FXYD1: variants seen among roughly 807,000 people sequenced by gnomAD.
FXYD1 encodes the protein phospholemman.
Under a neutral mutation model 17.2 loss-of-function variants are expected in FXYD1, and 9 were observed. That is an observed-to-expected ratio of 0.52 (90% CI 0.32 to 0.91). The LOEUF (loss-of-function observed/expected upper bound fraction) is 0.91, where lower values mean the gene tolerates loss of function less well. Ranked by LOEUF, FXYD1 falls within the 40% of genes least tolerant of loss-of-function variation. The probability of loss-of-function intolerance (pLI) is 0.04; values close to 1 mark genes in which losing one functional copy is unlikely to be tolerated. For missense variants in FXYD1, 113 were observed against 120.6 expected (o/e 0.94, Z 0.29); for synonymous variants, 55 against 45.8 (o/e 1.20, Z -0.81).
chr19:35,140,535 T>G, intron 2 of FXYD1, 62 bp from the exon 3 acceptor site: 3 of 1,483,566 alleles, frequency 2.0e-6, no homozygotes, highest in Non-Finnish European at 2.8e-6. Context: ...AGTGGTCTCC[T>G]CATGCCCCTC....
At chr19:35,139,877 C>T in intron 1 of FXYD1, 199 bp from the exon 2 acceptor site, 1 of 567,276 alleles carries the variant, frequency 1.8e-6, no homozygotes, top group South Asian at 2.0e-5. Flanking sequence ...TTGTGTGATC[C>T]CATCGTGGAG....
At chr19:35,141,749 C>T (rs962310248) in intron 5 of FXYD1, among the ~76,000 whole-genome samples, 177 bp downstream of exon 5, 2 of 152,204 alleles carry the variant, frequency 1.3e-5, no homozygotes, top group Non-Finnish European at 1.5e-5. Context: ...AAACCTCCCG[C>T]CCTTCCTGGC....
chr19:35,139,821 C>G (rs1335959539), intron 1 of FXYD1: 3 of 425,934 alleles, frequency 7.0e-6, no homozygotes, highest in Non-Finnish European at 1.3e-5. Flanking sequence ...AAGGGAGGCC[C>G]CCCGGGGACT....
chr19:35,141,398 T>A (rs2065253304), intron 4 of FXYD1, 138 bp from the exon 5 acceptor site: 1 of 683,874 alleles, frequency 1.5e-6, no homozygotes, highest in African/African-American at 1.9e-5. Flanking sequence ...CTGCCTTGGT[T>A]CCCCGGCCCC....
Position 35,142,965 on chromosome 19 carries a change from G to A in FXYD1, c.*78G>A, listed in dbSNP as rs914213135. 1 of 577,834 alleles carries A rather than the reference G, an allele frequency of 1.7e-6. No homozygotes were observed. The highest frequency in any genetic ancestry group is 3.1e-5 in the Admixed American group (1 of 32,052). The allele number at this position is 577,834 out of a possible 1,614,324, so 35.8% of individuals were successfully genotyped here. On this transcript the variant is annotated 3_prime_UTR_variant, in exon 8 of 8. Transcript: ENST00000351325. ...CCCACGCTCCACCTGCGCGCCCACC[G>A]CCCCCTCCGCCGCCCCTTCCCCAGC...
Position 35,141,199 on chromosome 19 carries a change from C to G in FXYD1, c.162C>G (p.Ile54Met), listed in dbSNP as rs143457232. Residue 54 changes from isoleucine to methionine, a missense_variant, in exon 4 of 8, where the codon ATC (isoleucine) becomes ATG (methionine). Transcript: ENST00000351325. ...AGILFILGILIVLSRRCRCKF... is the reference protein window; with the variant it reads ...AGILFILGILMVLSRRCRCKF... ...TCCTCTTCATCCTGGGCATCCTCAT[C>G]GTGCTGAGTGAGTGCCCCTAGCTCC... 1.2e-5 allele frequency: 19 copies of G among 1,598,828 alleles called. No homozygotes were observed. The highest frequency in any genetic ancestry group is 6.7e-5 in the East Asian group (3 of 44,768).
chr19:35,142,370 T>C, intron 5 of FXYD1, 102 bp from the exon 6 acceptor site: 1 of 869,236 alleles, frequency 1.2e-6, no homozygotes, highest in Non-Finnish European at 1.8e-6. Flanking sequence ...TATCTGGGCC[T>C]AGTTACACCA....
At chr19:35,141,654 G>T (rs1489161602) in intron 5 of FXYD1, 82 bp downstream of exon 5, 4 of 1,109,014 alleles carry the variant, frequency 3.6e-6, no homozygotes, top group Non-Finnish European at 5.4e-6. Context: ...CCCCTGACCC[G>T]CAGCCCGATC....
intron 3 of FXYD1, 27 bp from the exon 4 acceptor site, chr19:35,141,105 T>G (rs2065247807): frequency 5.3e-6 from 8 of 1,497,288 alleles, no homozygotes; most frequent in Admixed American, 5.0e-5. Context: ...TTCCCTGCCC[T>G]CACCTTCCCT....
chr19:35,140,199 C>A, intron 2 of FXYD1, 59 bp downstream of exon 2: 1 of 1,020,856 alleles, frequency 9.8e-7, no homozygotes, highest in South Asian at 1.3e-5. Flanking sequence ...CGGTGGGGAC[C>A]GAAGAACCAA....
chr19:35,141,369 A>G (rs1414232867), intron 4 of FXYD1, 163 bp downstream of exon 4: 5 of 246,102 alleles, frequency 2.0e-5, no homozygotes, highest in Non-Finnish European at 3.9e-5. Flanking sequence ...AACCCCTCCC[A>G]GGCCTTGCCC....
At chr19:35,140,475 C>T (rs2145381991) in intron 2 of FXYD1, 122 bp from the exon 3 acceptor site, 1 of 866,536 alleles carries the variant, frequency 1.2e-6, no homozygotes, top group South Asian at 1.5e-5. Flanking sequence ...AGAGTGTGGG[C>T]AGCCTGCCCA....
In FXYD1 at chr19:35,141,216, C is replaced by G. The variant is rs758430688; in HGVS notation, c.169+10C>G. 3 of 1,568,776 alleles carry G rather than the reference C, an allele frequency of 1.9e-6. No homozygotes were observed. The highest frequency in any genetic ancestry group is 2.6e-6 in the Non-Finnish European group (3 of 1,141,022). ...ATCCTCATCGTGCTGAGTGAGTGCC[C>G]CTAGCTCCCGCCCTCTACCCCGCCT... On this transcript the variant is annotated intron_variant, in intron 4 of 7. Coordinates refer to ENST00000351325, the MANE Select transcript of FXYD1 (RefSeq NM_021902.4).
At chr19:35,138,238 C>T (rs950711825), upstream of FXYD1, 1 of 152,290 alleles carries the variant, frequency 6.6e-6, no homozygotes, top group African/African-American at 2.4e-5. Context: ...TGTGTGTCTG[C>T]TTCTATGGAT....
rs753170408 is a variant in FXYD1 at position 35,142,707 on chromosome 19, G to T, written c.257-13G>T. On this transcript the variant is annotated splice_polypyrimidine_tract_variant and intron_variant, in intron 6 of 7. Coordinates refer to ENST00000351325, the MANE Select transcript of FXYD1 (RefSeq NM_021902.4). ...CTCTCCAGAATGACCCCCGATCTCCGTGTTCCCCCCAGGTCTGTCCACCCG... is the reference window on the plus strand; with the variant it reads ...CTCTCCAGAATGACCCCCGATCTCCTTGTTCCCCCCAGGTCTGTCCACCCG... The T allele has an allele frequency of 5.0e-6, 8 of 1,613,394 alleles. No homozygotes were observed. In the African/African-American group the frequency reaches 5.3e-5, roughly 11 times the overall value.
intron 2 of FXYD1, among the ~76,000 whole-genome samples, chr19:35,140,357 C>T (rs999336875): frequency 9.9e-5 from 15 of 152,040 alleles, no homozygotes; most frequent in African/African-American, 3.4e-4. Flanking sequence ...GCTGAATCCC[C>T]GATGGGATAA....
intron 7 of FXYD1, 73 bp downstream of exon 7, chr19:35,142,844 T>G: frequency 1.7e-6 from 2 of 1,173,226 alleles, no homozygotes; most frequent in Non-Finnish European, 2.5e-6. Context: ...GGGGGCCAAG[T>G]GCCAGAGTTG....
chr19:35,138,001 T>C (rs1223536913), upstream of FXYD1: 1 of 152,192 alleles, frequency 6.6e-6, no homozygotes, highest in African/African-American at 2.4e-5. Flanking sequence ...TGTATGGCCA[T>C]TTGTGGGTGG....
chr19:35,139,836 G>A (rs777331396), intron 1 of FXYD1: 1 of 472,200 alleles, frequency 2.1e-6, no homozygotes, highest in Non-Finnish European at 3.9e-6. Flanking sequence ...GGGACTGTGT[G>A]TCTCACCCCC....
Sources: allele counts gnomAD v4.1 joint callset (sites outside exome capture counted in the v4.1 genomes callset), GRCh38; gene constraint gnomAD v4.1.1; transcripts MANE v1.5; gene names NCBI Gene and HGNC (gene_info 2026-07-23, HGNC 2026-07-21).